The following RRP12 variants were observed in gnomAD, a reference collection of about 807,000 sequenced individuals.
The protein encoded by RRP12 is ribosomal RNA processing 12 homolog.
A neutral mutation model predicts 157.3 loss-of-function variants in RRP12; 78 were observed. The observed-to-expected ratio is 0.50, with a 90% CI of 0.41 to 0.60. The LOEUF (loss-of-function observed/expected upper bound fraction) is 0.60. Ranked by LOEUF, RRP12 falls within the 20% of genes least tolerant of loss-of-function variation. The pLI is 0.00. For missense variants in RRP12, 1,521 were observed against 1,679.9 expected (o/e 0.91, Z 1.65); for synonymous variants, 726 against 670.9 (o/e 1.08, Z -1.27).
At chr10:97,370,424 G>A (rs779487411) in intron 23 of RRP12, 31 bp downstream of exon 23, 1 of 1,511,904 alleles carries the variant, frequency 6.6e-7, no homozygotes, top group East Asian at 2.3e-5. Flanking sequence ...TCTATGAGCA[G>A]AGTGTCCACC....
At position 97,379,707 on chromosome 10, in the gene RRP12, G is replaced by A. The variant is rs1421133833; in HGVS notation, c.1597C>T (p.Gln533Ter). 3.7e-6 allele frequency: 6 copies of A among 1,613,906 alleles called. No homozygotes were observed. Among genetic ancestry groups the A allele is most frequent in the Non-Finnish European group, 5.1e-6 (6 of 1,179,986 alleles). ...CTGGTCACCGCAGCCCCCACTGCCT[G>A]GTCAAGAGCCGCCGTGTGGGGGAAA... ...PHFPHTAALDQAVGAAVTSMG... is the reference protein window; with the variant it reads ...PHFPHTAALD Residue 533 changes from glutamine (Q) to a stop codon, truncating the protein, a stop_gained, in exon 14 of 34, where the codon CAG (glutamine) becomes TAG (stop). Coordinates refer to ENST00000370992, the MANE Select transcript of RRP12 (RefSeq NM_015179.4). LOFTEE classifies it high-confidence loss of function.
At chr10:97,375,888 G>A (rs1173832856) in intron 15 of RRP12, among the ~76,000 whole-genome samples, 6 of 152,204 alleles carry the variant, frequency 3.9e-5, no homozygotes, top group Non-Finnish European at 8.8e-5. Context: ...TGGATCACTT[G>A]AGGTCAGGAG....
intron 24 of RRP12, among the ~76,000 whole-genome samples, chr10:97,369,845 T>C (rs1348267710): frequency 6.6e-6 from 1 of 152,230 alleles, no homozygotes; most frequent in Non-Finnish European, 1.5e-5. Context: ...AGGTCTCATG[T>C]GGTTGCCAAG....
At chr10:97,357,762 T>C (rs376575334) in intron 33 of RRP12, among the ~76,000 whole-genome samples, 1 of 151,806 alleles carries the variant, frequency 6.6e-6, no homozygotes. Flanking sequence ...ATCAAGACCA[T>C]CCTGGGTAAC....
intron 13 of RRP12, 68 bp from the exon 14 acceptor site, chr10:97,379,838 C>T (rs1415965318): frequency 1.3e-6 from 2 of 1,500,530 alleles, no homozygotes; most frequent in Non-Finnish European, 1.8e-6. Context: ...CAAGACCCCG[C>T]TGAACGATGA....
chr10:97,392,510 T>C (rs1844836071), intron 4 of RRP12, among the ~76,000 whole-genome samples: 1 of 150,026 alleles, frequency 6.7e-6, no homozygotes, highest in African/African-American at 2.5e-5. Context: ...CCACTACACC[T>C]GGCTAATTTT....
intron 4 of RRP12, 93 bp downstream of exon 4, chr10:97,393,591 T>A (rs113693848): frequency 6.6e-5 from 67 of 1,017,982 alleles, no homozygotes; most frequent in African/African-American, 2.9e-4. Flanking sequence ...AGTATCTTTT[T>A]AAATAACAAT....
intron 20 of RRP12, chr10:97,371,338 G>C: frequency 3.8e-6 from 2 of 528,026 alleles, no homozygotes; most frequent in East Asian, 6.1e-5. Flanking sequence ...AGTGGCCTGA[G>C]CTCATGGTGC....
At chr10:97,366,932 G>A in intron 26 of RRP12, 23 bp from the exon 27 acceptor site, 2 of 1,610,692 alleles carry the variant, frequency 1.2e-6, no homozygotes, top group Non-Finnish European at 1.7e-6. Context: ...AGGAAGGGCT[G>A]GTGAGAGGCA....
intron 29 of RRP12, among the ~76,000 whole-genome samples, chr10:97,365,028 T>C (rs1219066881): frequency 6.6e-6 from 1 of 152,096 alleles, no homozygotes; most frequent in African/African-American, 2.4e-5. Context: ...CTGTCCCCAT[T>C]ACACCGATTC....
In RRP12 at chr10:97,366,620, T is replaced by C. The variant is rs754806847; in HGVS notation, c.3217A>G (p.Ile1073Val). The C allele has an allele frequency of 1.4e-4, 229 of 1,610,432 alleles. No individual in the cohort carries two copies. The highest frequency in any genetic ancestry group is 1.8e-4 in the Non-Finnish European group (209 of 1,177,796). The change falls in exon 28 of 34, where the codon ATT (isoleucine) becomes GTT (valine). Residue 1073 changes from isoleucine (I) to valine (V), a missense_variant and splice_region_variant. Ile to Val is a conservative substitution (Grantham distance 29). Coordinates refer to ENST00000370992, the MANE Select transcript of RRP12 (RefSeq NM_015179.4). ...TCTGAGTCAGCTAAAATCTCCTCAA[T>C]GCTAAGGACAAAAAGCCCCCAGTCA... ...EEPAQGKGDS[I>V]EEILADSEDE...
At chr10:97,381,648 C>A in intron 11 of RRP12, 67 bp downstream of exon 11, 1 of 1,426,440 alleles carries the variant, frequency 7.0e-7, no homozygotes, top group Non-Finnish European at 9.8e-7. Context: ...GGGGCCAGTG[C>A]TGGGAAAGAC....
chr10:97,367,259 C>T (rs896761888), intron 25 of RRP12, 127 bp from the exon 26 acceptor site: 2 of 746,224 alleles, frequency 2.7e-6, no homozygotes, highest in African/African-American at 3.5e-5. Context: ...CGGCCCTGCT[C>T]CTGGCCCACA....
Position 97,357,160 on chromosome 10 carries a change from C to T in RRP12, c.3828G>A (p.Leu1276=). The T allele has an allele frequency of 1.2e-6, 2 of 1,613,324 alleles. No individual in the cohort carries two copies. The highest frequency in any genetic ancestry group is 2.2e-5 in the South Asian group (2 of 90,998). Reference sequence around the variant, plus strand: ...GGGAACCTCGCCGGGCAGCCTTCACCAGGCCTTTGAACTGTCCCTGCAGCT... The same window carrying T: ...GGGAACCTCGCCGGGCAGCCTTCACTAGGCCTTTGAACTGTCCCTGCAGCT... ...KMKLQGQFKG[L]VKAARRGSQV... The change falls in exon 34 of 34, where the codon CTG becomes CTA. Residue 1276 remains leucine, a synonymous_variant. Transcript: ENST00000370992.
chr10:97,365,905 A>C, intron 29 of RRP12: 1 of 642,294 alleles, frequency 1.6e-6, no homozygotes, highest in Non-Finnish European at 2.7e-6. Context: ...TTTAAGTTAA[A>C]TATGTATTGT....
chr10:97,368,996 C>G (rs1370716046), intron 25 of RRP12, among the ~76,000 whole-genome samples: 1 of 152,154 alleles, frequency 6.6e-6, no homozygotes, highest in Non-Finnish European at 1.5e-5. Context: ...CCTTCTGCAG[C>G]CCAGCAGGGG....
At chr10:97,397,431 G>A (rs1430084234) in intron 2 of RRP12, among the ~76,000 whole-genome samples, 2 of 151,994 alleles carry the variant, frequency 1.3e-5, no homozygotes, top group African/African-American at 2.4e-5. Flanking sequence ...CAAAGTGCTA[G>A]GATTACAGGC....
chr10:97,368,030 C>CT (rs34307529), intron 25 of RRP12, among the ~76,000 whole-genome samples: 23,679 of 119,166 alleles, frequency 0.2, 3,209 homozygotes, highest in African/African-American at 0.28. Context: ...CTGTGCCTGG[C>CT]TTTTTTTTTT....
chr10:97,373,710 T>C lies in RRP12; in HGVS notation c.1891A>G (p.Thr631Ala), dbSNP rs1437708706. 6.2e-7 allele frequency: 1 copy of C among 1,613,618 alleles called. No individual in the cohort carries two copies. The highest frequency in any genetic ancestry group is 8.5e-7 in the Non-Finnish European group (1 of 1,179,610). The change falls in exon 17 of 34, where the codon ACA becomes GCA. Residue 631 changes from threonine to alanine, a missense_variant. Thr to Ala is a moderately conservative substitution (Grantham distance 58). Transcript: ENST00000370992. ...GAGATGGCCACATCTGTAGGCCTTG[T>C]GCAGAACCCAGGCAGGAGTGTCCAC... Reference protein sequence around the residue: ...QMWTLLPGFCTRPTDVAISFK... With the variant: ...QMWTLLPGFCARPTDVAISFK...
Sources: gnomAD v4.1 joint callset for allele counts (sites outside exome capture counted in the v4.1 genomes callset) on GRCh38, gnomAD v4.1.1 for gene constraint, MANE v1.5 for transcripts, NCBI Gene and HGNC (gene_info 2026-07-23, HGNC 2026-07-21) for gene names.